Variants in AKIRIN1 observed in about 807,000 individuals in gnomAD.
The protein encoded by AKIRIN1 is akirin 1, also known as akirin-1.
In AKIRIN1, 4 loss-of-function variants were observed where a neutral mutation model predicts 25.9. The observed-to-expected ratio is 0.15, with a 90% confidence interval of 0.08 to 0.35. AKIRIN1 has a LOEUF of 0.35. Among genes scored for constraint, AKIRIN1 ranks in the 10% least tolerant of loss-of-function variants. The pLI is 1.00. For missense variants in AKIRIN1, 243 were observed against 266.1 expected, an observed-to-expected ratio of 0.91 and a Z score of 0.61; for synonymous variants, 125 against 105.1, an observed-to-expected ratio of 1.19 and a Z score of -1.16.
intron 3 of AKIRIN1, among the ~76,000 whole-genome samples, chr1:39,001,570 CTT>C (rs901943041): frequency 6.6e-5 from 10 of 152,014 alleles, no homozygotes; most frequent in African/African-American, 2.4e-4. Flanking sequence ...CTGGCCAAGA[CTT>C]TGTTTTTTAA....
intron 1 of AKIRIN1, among the ~76,000 whole-genome samples, chr1:38,997,178 T>G (rs1643954151): frequency 6.6e-6 from 1 of 151,766 alleles, no homozygotes; most frequent in Non-Finnish European, 1.5e-5. Context: ...TGGATACAGG[T>G]ATCTCTTTTT....
chr1:38,992,990 C>T (rs969395971), intron 1 of AKIRIN1, among the ~76,000 whole-genome samples: 14 of 152,208 alleles, frequency 9.2e-5, no homozygotes, highest in Non-Finnish European at 1.5e-5. Context: ...CCCTCAAAGA[C>T]AGGCGCCATA....
At chr1:38,991,922 G>C (rs894736334) in intron 1 of AKIRIN1, among the ~76,000 whole-genome samples, 1 of 151,858 alleles carries the variant, frequency 6.6e-6, no homozygotes, top group African/African-American at 2.4e-5. Context: ...TCCGCTGGCC[G>C]GGTCTGCACC....
At chr1:38,991,670 G>GGGGTT in intron 1 of AKIRIN1, 70 bp downstream of exon 1, 1 of 886,746 alleles carries the variant, frequency 1.1e-6, no homozygotes, top group Non-Finnish European at 1.5e-6. Flanking sequence ...TGGTGGGGGA[G>GGGGTT]GGTTGGGAAT....
At chr1:39,001,518 G>C (rs1643991811) in intron 3 of AKIRIN1, among the ~76,000 whole-genome samples, 1 of 151,972 alleles carries the variant, frequency 6.6e-6, no homozygotes, top group African/African-American at 2.4e-5. Context: ...CGCCCACCTT[G>C]ACCTCCCAAA....
In AKIRIN1 at chr1:39,004,547, G is replaced by C; in HGVS notation, c.*492G>C. 1 of 231,810 alleles carries C rather than the reference G, an allele frequency of 4.3e-6. No homozygotes were observed. The highest frequency in any genetic ancestry group is 5.2e-5 in the South Asian group (1 of 19,158). The allele number at this position is 231,810 out of a possible 1,614,324, so 14.4% of individuals were successfully genotyped here. ...GTCTAAAGAAGATCATTAATGTTTTGTGACCATACAAGTTGTAACAGTGGA... is the reference window on the plus strand; with the variant it reads ...GTCTAAAGAAGATCATTAATGTTTTCTGACCATACAAGTTGTAACAGTGGA... On this transcript the variant is annotated 3_prime_UTR_variant, in exon 5 of 5. Transcript: ENST00000432648.
intron 1 of AKIRIN1, among the ~76,000 whole-genome samples, chr1:38,992,761 T>C (rs1227591907): frequency 6.6e-6 from 1 of 152,150 alleles, no homozygotes; most frequent in Non-Finnish European, 1.5e-5. Context: ...TTTTTCAAAC[T>C]GTGCCTCTGC....
chr1:39,004,453 T>G lies in AKIRIN1; in HGVS notation c.*398T>G. 3.5e-6 allele frequency: 1 copy of G among 288,760 alleles called. No homozygotes were observed. Among genetic ancestry groups the G allele is most frequent in the South Asian group, 3.4e-5 (1 of 29,406 alleles). 17.9% of individuals were successfully genotyped at this position (288,760 alleles called of 1,614,324 possible). Reference sequence around the variant, plus strand: ...TATTATTTGTATTGTGCAAAAATTTTTTTTTGATCTTGGGGATTCTGGCTG... The same window carrying G: ...TATTATTTGTATTGTGCAAAAATTTGTTTTTGATCTTGGGGATTCTGGCTG... On this transcript the variant is annotated 3_prime_UTR_variant, in exon 5 of 5. Coordinates refer to ENST00000432648, the MANE Select transcript of AKIRIN1 (RefSeq NM_024595.3).
chr1:38,996,555 G>A (rs1327455133), intron 1 of AKIRIN1, among the ~76,000 whole-genome samples: 2 of 149,782 alleles, frequency 1.3e-5, no homozygotes, highest in African/African-American at 4.9e-5. Context: ...TTGAGGCAGA[G>A]TCTTGATTGT....
chr1:38,992,790 C>T (rs1388331385), intron 1 of AKIRIN1, among the ~76,000 whole-genome samples: 2 of 152,108 alleles, frequency 1.3e-5, no homozygotes, highest in African/African-American at 4.8e-5. Context: ...CCAGACCCAC[C>T]GCTCTGTGCC....
rs1644026965 is a variant in AKIRIN1, at chr1:39,005,357, A to G, written c.*1302A>G. The G allele has an allele frequency of 1.3e-5, 2 of 150,808 alleles. No homozygotes were observed. Among genetic ancestry groups the G allele is most frequent in the Admixed American group, 1.3e-4 (2 of 15,122 alleles). 9.3% of individuals were successfully genotyped at this position (150,808 alleles called of 1,614,324 possible). On this transcript the variant is annotated 3_prime_UTR_variant, in exon 5 of 5. Transcript: ENST00000432648. ...TTGGATCCTTTGGTCGGGTTCTCCCAAATTCTTTTGAGGTGTCCATGGTCA... is the reference window on the plus strand; with the variant it reads ...TTGGATCCTTTGGTCGGGTTCTCCCGAATTCTTTTGAGGTGTCCATGGTCA...
intron 1 of AKIRIN1, 128 bp from the exon 2 acceptor site, chr1:38,998,043 T>G (rs1023237491): frequency 6.4e-5 from 66 of 1,028,902 alleles, no homozygotes; most frequent in Non-Finnish European, 8.8e-5. Context: ...AGGGGGAGAT[T>G]GAGACCTACA....
chr1:39,000,972 G>C lies in AKIRIN1; in HGVS notation c.362G>C (p.Gly121Ala). The change falls in exon 3 of 5, where the codon GGT becomes GCT. Residue 121 changes from glycine (G) to alanine (A), a missense_variant and splice_region_variant. Around this residue, in one of 3 missense-constraint regions of AKIRIN1, gnomAD observed 190 missense variants for 174.4 expected, o/e 1.09. Transcript: ENST00000432648. ...SSALTAPSSP[G>A]SSWMKKDQPT... ...CAAACTCACTTTTTCTTTTGGCCAG[G>C]TTCCTCATGGATGAAGAAGGACCAG... 3 of 1,609,124 alleles carry C rather than the reference G, an allele frequency of 1.9e-6. No homozygotes were observed. Among genetic ancestry groups the C allele is most frequent in the Non-Finnish European group, 8.5e-7 (1 of 1,178,116 alleles).
intron 1 of AKIRIN1, among the ~76,000 whole-genome samples, chr1:38,992,039 G>C (rs1427471314): frequency 5.9e-5 from 9 of 152,214 alleles, no homozygotes. Context: ...AGGGGCGCGA[G>C]TGCGTGCTGT....
chr1:38,997,488 A>G (rs1393029827), intron 1 of AKIRIN1, among the ~76,000 whole-genome samples: 1 of 151,758 alleles, frequency 6.6e-6, no homozygotes, highest in African/African-American at 2.4e-5. Flanking sequence ...CCCCTTTCCC[A>G]AAGTTTATTT....
intron 2 of AKIRIN1, among the ~76,000 whole-genome samples, chr1:39,000,637 C>G (rs1402622224): frequency 6.6e-6 from 1 of 151,416 alleles, no homozygotes; most frequent in Non-Finnish European, 1.5e-5. Context: ...GGCATGGCCA[C>G]TGCGCCCGGC....
chr1:39,001,096 C>T lies in AKIRIN1; in HGVS notation c.486C>T (p.Thr162=). 1 of 1,610,856 alleles carries T rather than the reference C, an allele frequency of 6.2e-7. No individual in the cohort carries two copies. The highest frequency in any genetic ancestry group is 8.5e-7 in the Non-Finnish European group (1 of 1,178,666). Residue 162 remains threonine (T), a synonymous_variant, in exon 3 of 5, where the codon ACC becomes ACT. Coordinates refer to ENST00000432648, the MANE Select transcript of AKIRIN1 (RefSeq NM_024595.3). Reference sequence around the variant, plus strand: ...AGGAGTATGAGCAAATCCTCAATACCAAACTAGCAGGTAGGCCCAGGCAGT... The same window carrying T: ...AGGAGTATGAGCAAATCCTCAATACTAAACTAGCAGGTAGGCCCAGGCAGT... The part of the protein sequence containing the change: ...IREEYEQILN[T]KLAEQYESFV...
chr1:39,004,374 C>G lies in AKIRIN1; in HGVS notation c.*319C>G. 1 of 514,604 alleles carries G rather than the reference C, an allele frequency of 1.9e-6. No homozygotes were observed. Among genetic ancestry groups the G allele is most frequent in the Non-Finnish European group, 3.5e-6 (1 of 282,194 alleles). The allele number at this position is 514,604 out of a possible 1,614,324, so 31.9% of individuals were successfully genotyped here. A position where few individuals can be genotyped will look rare whatever the true frequency, so the allele number is the denominator to read the frequency against. On this transcript the variant is annotated 3_prime_UTR_variant, in exon 5 of 5. Coordinates refer to ENST00000432648, the MANE Select transcript of AKIRIN1 (RefSeq NM_024595.3). Reference sequence around the variant, plus strand: ...AAATGGAGTTTCCCCAAGCACAGTTCTGTAAGAAGTGCGTGTGAGAGTGTG... The same window carrying G: ...AAATGGAGTTTCCCCAAGCACAGTTGTGTAAGAAGTGCGTGTGAGAGTGTG...
intron 1 of AKIRIN1, among the ~76,000 whole-genome samples, chr1:38,994,547 C>T (rs1643932202): frequency 6.6e-6 from 1 of 152,068 alleles, no homozygotes; most frequent in African/African-American, 2.4e-5. Context: ...ACTCTGTTGC[C>T]CAGGCTGGAG....
Sources: gnomAD v4.1 joint callset for allele counts (sites outside exome capture counted in the v4.1 genomes callset) on GRCh38, gnomAD v4.1.1 for gene constraint, gnomAD v4.1.1 regional missense constraint, MANE v1.5 for transcripts, NCBI Gene and HGNC (gene_info 2026-07-23, HGNC 2026-07-21) for gene names.